The following POLN variants were observed in gnomAD, a reference collection of about 807,000 sequenced individuals.
POLN encodes DNA polymerase nu.
Under a neutral mutation model 113.5 loss-of-function variants are expected in POLN, and 108 were observed. The ratio of observed to expected loss-of-function variants is 0.95; its 90% CI spans 0.81 to 1.12. POLN has a LOEUF of 1.12. POLN is among the 50% of genes most tolerant of loss of function. The probability of loss-of-function intolerance (pLI) is 0.00; values close to 1 mark genes in which losing one functional copy is unlikely to be tolerated. For missense variants in POLN, 1,097 were observed against 1,077.1 expected (o/e 1.02, Z -0.26); for synonymous variants, 386 against 391.5 (o/e 0.99, Z 0.17).
intron 13 of POLN, 65 bp from the exon 14 acceptor site, chr4:2,159,276 C>A: frequency 7.5e-7 from 1 of 1,326,012 alleles, no homozygotes; most frequent in Non-Finnish European, 1.1e-6. Context: ...CACGTATTTT[C>A]ATCTGGAGAA....
chr4:2,176,842 G>A (rs776849395), intron 8 of POLN, among the ~76,000 whole-genome samples: 42 of 152,134 alleles, frequency 2.8e-4, no homozygotes, highest in Non-Finnish European at 5.3e-4. Context: ...GACAAAGAGG[G>A]AGATGGGATG....
chr4:2,214,696 C>T (rs1577778223), intron 3 of POLN, among the ~76,000 whole-genome samples: 4 of 152,178 alleles, frequency 2.6e-5, no homozygotes, highest in Admixed American at 2.6e-4. Context: ...ACTGTCAAGA[C>T]TTATTAAAAT....
At chr4:2,149,289 T>G (rs1222837511) in intron 16 of POLN, among the ~76,000 whole-genome samples, 2 of 121,762 alleles carry the variant, frequency 1.6e-5, no homozygotes, top group Non-Finnish European at 3.7e-5. Context: ...AGTGAAACCC[T>G]ATCTCAAAAA....
In POLN at chr4:2,150,040, G is replaced by A. The variant is rs530057072; in HGVS notation, c.1731+6748C>T. Among the ~76,000 whole-genome samples, 18 of 149,258 alleles carry A rather than the reference G, an allele frequency of 1.2e-4. No individual in the cohort carries two copies. The South Asian group carries it at 3.4e-3, about 28-fold the overall frequency. ...AGAGGTTACAGTGGGCCAAGATCAC[G>A]CCACTGCACTCCAGCCTGGGCAACA... On this transcript the variant is annotated intron_variant, in intron 16 of 25. Coordinates refer to ENST00000511885, the MANE Select transcript of POLN (RefSeq NM_181808.4).
At position 2,080,948 on chromosome 4, in the gene POLN, A is replaced by G; in HGVS notation, c.2387+10T>C. ...CCCATCCAAGCCCTGGGAGACCACC[A>G]CCCACTGACCTGGCCGTCAAGGTGT... On this transcript the variant is annotated intron_variant, in intron 23 of 25. Transcript: ENST00000511885. 6.2e-7 allele frequency: 1 copy of G among 1,613,788 alleles called. No individual in the cohort carries two copies. The highest frequency in any genetic ancestry group is 8.5e-7 in the Non-Finnish European group (1 of 1,179,944).
At chr4:2,197,201 G>A (rs1733598487) in intron 6 of POLN, among the ~76,000 whole-genome samples, 2 of 152,178 alleles carry the variant, frequency 1.3e-5, no homozygotes, top group African/African-American at 2.4e-5. Flanking sequence ...GCTTTAACAG[G>A]CCAGCTCTGG....
At chr4:2,174,784 A>G in intron 9 of POLN, 33 bp from the exon 10 acceptor site, 7 of 1,447,782 alleles carry the variant, frequency 4.8e-6, no homozygotes, top group Non-Finnish European at 6.7e-6. Context: ...ATCAACGTCA[A>G]TTTAAATATT....
intron 16 of POLN, among the ~76,000 whole-genome samples, chr4:2,148,234 G>A (rs1176222895): frequency 6.6e-6 from 1 of 152,140 alleles, no homozygotes; most frequent in Non-Finnish European, 1.5e-5. Flanking sequence ...AATTGAAACA[G>A]AAGAAAATCC....
Position 2,093,656 on chromosome 4 carries a change from C to T in POLN, c.2065+2195G>A, listed in dbSNP as rs1730717097. Among the ~76,000 whole-genome samples, 1 of 152,138 alleles carries T rather than the reference C, an allele frequency of 6.6e-6. No homozygotes were observed. On this transcript the variant is annotated intron_variant, in intron 20 of 25. Coordinates refer to ENST00000511885, the MANE Select transcript of POLN (RefSeq NM_181808.4). The surrounding 1 kb of genome is among the most constrained non-coding windows in gnomAD (Gnocchi z 4.1). ...TCTCATATAATTTGGCAGAGTGATG[C>T]CTTCCCCCAAGACAGAGGCCCCAGG...
At position 2,196,403 on chromosome 4, in the gene POLN, G is replaced by A. The variant is rs146048203; in HGVS notation, c.908+2121C>T. 2.8e-3 allele frequency among the ~76,000 whole-genome samples: 425 copies of A among 152,246 alleles called. 1 individual carries two copies. The highest frequency in any genetic ancestry group is 9.7e-3 in the African/African-American group (402 of 41,546). On this transcript the variant is annotated intron_variant, in intron 6 of 25. Transcript: ENST00000511885. ...ATGGAGAAGAGGAGACAGAACAAGT[G>A]AAAGAACTTCATGATGAGGCAAACA...
At chr4:2,142,818 G>GT (rs909679546) in intron 16 of POLN, among the ~76,000 whole-genome samples, 27 of 151,258 alleles carry the variant, frequency 1.8e-4, no homozygotes, top group South Asian at 4.2e-4. Context: ...CGTGATTGTG[G>GT]TTTTTTTTTA....
intron 21 of POLN, 126 bp from the exon 22 acceptor site, chr4:2,081,869 C>A: frequency 1.4e-6 from 1 of 740,644 alleles, no homozygotes; most frequent in Admixed American, 2.2e-5. Context: ...CCAAGCCTCC[C>A]CTGGGCCCTT....
intron 13 of POLN, 81 bp downstream of exon 13, chr4:2,170,598 G>C: frequency 1.6e-6 from 2 of 1,212,332 alleles, no homozygotes; most frequent in African/African-American, 1.5e-5. Flanking sequence ...TGAGAGTCTC[G>C]GGTGGGTCTG....
intron 19 of POLN, among the ~76,000 whole-genome samples, chr4:2,125,896 G>T (rs1249554656): frequency 6.6e-6 from 1 of 152,176 alleles, no homozygotes; most frequent in Non-Finnish European, 1.5e-5. Flanking sequence ...CGAGGACCCA[G>T]TGCAGATATG....
At chr4:2,112,846 G>A (rs906863867) in intron 19 of POLN, among the ~76,000 whole-genome samples, 1 of 152,128 alleles carries the variant, frequency 6.6e-6, no homozygotes, top group Non-Finnish European at 1.5e-5. Flanking sequence ...CAGGGATCTA[G>A]AACTAGAAAT....
chr4:2,146,041 A>G (rs1321714899), intron 16 of POLN, among the ~76,000 whole-genome samples: 1 of 58,758 alleles, frequency 1.7e-5, no homozygotes, highest in Admixed American at 1.6e-4. Context: ...AAACTTTAAA[A>G]TAGCAAAAAA....
At chr4:2,157,826 TA>T in intron 15 of POLN, 31 bp downstream of exon 15, 1 of 1,516,606 alleles carries the variant, frequency 6.6e-7, no homozygotes, top group Non-Finnish European at 9.1e-7. Flanking sequence ...ACCACAGTCC[TA>T]ATCACAGTAT....
chr4:2,106,704 T>C (rs1731074477), intron 19 of POLN, among the ~76,000 whole-genome samples: 1 of 152,230 alleles, frequency 6.6e-6, no homozygotes, highest in South Asian at 2.1e-4. Flanking sequence ...TGCTTATACA[T>C]ATCCCAGTAG....
In POLN at chr4:2,242,061, T is replaced by A; in HGVS notation, c.-294A>T. Reference sequence around the variant, plus strand: ...GCCCGCGTCAGTCACCTCAGGAAGTTCCGCTTGCTTCTCGCAGGAGCCCGC... The same window carrying A: ...GCCCGCGTCAGTCACCTCAGGAAGTACCGCTTGCTTCTCGCAGGAGCCCGC... On this transcript the variant is annotated 5_prime_UTR_variant, in exon 1 of 26. Coordinates refer to ENST00000511885, the MANE Select transcript of POLN (RefSeq NM_181808.4). 1.0e-6 allele frequency: 1 copy of A among 985,712 alleles called. No homozygotes were observed. The highest frequency in any genetic ancestry group is 4.7e-5 in the South Asian group (1 of 21,316). 61.1% of individuals were successfully genotyped at this position (985,712 alleles called of 1,614,324 possible). A position where few individuals can be genotyped will look rare whatever the true frequency, so the allele number is the denominator to read the frequency against.
Sources: gnomAD v4.1 joint callset for allele counts (sites outside exome capture counted in the v4.1 genomes callset) on GRCh38, gnomAD v4.1.1 for gene constraint, Gnocchi (gnomAD v3.1) non-coding constraint, MANE v1.5 for transcripts, NCBI Gene and HGNC (gene_info 2026-07-23, HGNC 2026-07-21) for gene names.